The following ATP6V0D2 variants were observed in gnomAD, a reference collection of about 807,000 sequenced individuals.
ATP6V0D2 encodes the protein V-type proton ATPase subunit d 2.
ATP6V0D2 carries 40 observed loss-of-function variants against 40.0 expected under a neutral mutation model. That is an observed-to-expected ratio of 1.00 (90% CI 0.78 to 1.30). The LOEUF (loss-of-function observed/expected upper bound fraction) is 1.30, where lower values mean the gene tolerates loss of function less well. Among genes scored for constraint, ATP6V0D2 ranks in the 50% most tolerant of loss-of-function variants. The pLI is 0.00. For synonymous variants in ATP6V0D2, 179 were observed against 156.3 expected, an observed-to-expected ratio of 1.15 and a Z score of -1.08; for missense variants, 470 against 423.1, an observed-to-expected ratio of 1.11 and a Z score of -0.97.
chr8:86,130,768 A>G (rs539697460), intron 2 of ATP6V0D2, among the ~76,000 whole-genome samples: 102 of 152,186 alleles, frequency 6.7e-4, no homozygotes, highest in African/African-American at 2.3e-3. Flanking sequence ...TGAAAGGAAG[A>G]ATAATATGCC....
intron 1 of ATP6V0D2, among the ~76,000 whole-genome samples, chr8:86,105,383 A>G (rs967537475): frequency 6.6e-6 from 1 of 151,542 alleles, no homozygotes; most frequent in African/African-American, 2.4e-5. Context: ...TGCAACCTCT[A>G]CCTCTCCCGG....
intron 3 of ATP6V0D2, 54 bp from the exon 4 acceptor site, chr8:86,141,395 CA>C: frequency 7.3e-7 from 1 of 1,375,230 alleles, no homozygotes; most frequent in Non-Finnish European, 1.0e-6. Context: ...ACGTTTTCTA[CA>C]GCTTATAATC....
intron 2 of ATP6V0D2, among the ~76,000 whole-genome samples, chr8:86,132,764 C>T (rs1243223916): frequency 6.6e-6 from 1 of 152,084 alleles, no homozygotes; most frequent in East Asian, 1.9e-4. Context: ...TCTTTGTTAT[C>T]GTGAATAGTG....
chr8:86,118,677 A>C (rs1160964121), intron 2 of ATP6V0D2, among the ~76,000 whole-genome samples: 2 of 152,200 alleles, frequency 1.3e-5, no homozygotes, highest in East Asian at 3.9e-4. Context: ...TTATGGAAAC[A>C]GTAAAGATTC....
intron 2 of ATP6V0D2, among the ~76,000 whole-genome samples, chr8:86,120,121 G>A (rs1440315086): frequency 6.6e-6 from 1 of 152,194 alleles, no homozygotes; most frequent in Non-Finnish European, 1.5e-5. Context: ...CTTTGAGCCA[G>A]GCACAGTAGC....
At chr8:86,140,221 A>C (rs1818954745) in intron 3 of ATP6V0D2, among the ~76,000 whole-genome samples, 1 of 152,220 alleles carries the variant, frequency 6.6e-6, no homozygotes, top group Admixed American at 6.5e-5. Context: ...CTAAAGAGAT[A>C]ATTGTATAAG....
At chr8:86,139,892 G>A (rs979033693) in intron 3 of ATP6V0D2, among the ~76,000 whole-genome samples, 1 of 152,174 alleles carries the variant, frequency 6.6e-6, no homozygotes, top group African/African-American at 2.4e-5. Context: ...ACCATTTGTA[G>A]TAGAGAAGGA....
intron 1 of ATP6V0D2, among the ~76,000 whole-genome samples, chr8:86,110,886 G>A (rs1303807169): frequency 1.3e-5 from 2 of 152,042 alleles, no homozygotes; most frequent in South Asian, 2.1e-4. Context: ...TAAGACCTCC[G>A]CCAGGCAGGT....
At chr8:86,113,581 T>C (rs1243131473) in intron 1 of ATP6V0D2, 128 bp from the exon 2 acceptor site, 1 of 758,704 alleles carries the variant, frequency 1.3e-6, no homozygotes, top group African/African-American at 1.8e-5. Context: ...ATTTAGACCT[T>C]ATATTAAAAT....
chr8:86,123,582 T>TGA (rs1428067566), intron 2 of ATP6V0D2, among the ~76,000 whole-genome samples: 1 of 152,148 alleles, frequency 6.6e-6, no homozygotes, highest in African/African-American at 2.4e-5. Context: ...TAGATTCATT[T>TGA]GAGAGAGAGA....
intron 2 of ATP6V0D2, among the ~76,000 whole-genome samples, chr8:86,136,886 C>T (rs573260443): frequency 1.3e-5 from 2 of 152,154 alleles, no homozygotes; most frequent in Non-Finnish European, 2.9e-5. Flanking sequence ...CACTGTGAAA[C>T]CTCGAGGACT....
intron 5 of ATP6V0D2, among the ~76,000 whole-genome samples, chr8:86,148,708 G>A (rs918423655): frequency 2.0e-5 from 3 of 152,146 alleles, no homozygotes; most frequent in Middle Eastern, 3.4e-3. Context: ...AAAGTAGTAG[G>A]ATCACACATC....
intron 1 of ATP6V0D2, among the ~76,000 whole-genome samples, chr8:86,105,616 C>CTTTTTTTTTTTTTTTT (rs1401385712): frequency 7.6e-6 from 1 of 131,168 alleles, no homozygotes. Context: ...CTTCTTTTTT[C>CTTTTTTTTTTTTTTTT]TTTTCTTTTT....
intron 2 of ATP6V0D2, among the ~76,000 whole-genome samples, chr8:86,117,476 C>CCATA (rs1818604830): frequency 6.6e-6 from 1 of 152,112 alleles, no homozygotes; most frequent in Admixed American, 6.6e-5. Context: ...GAAGAAAAGA[C>CCATA]CATAGGTCAA....
At chr8:86,113,597 A>G (rs976030829) in intron 1 of ATP6V0D2, 112 bp from the exon 2 acceptor site, 43 of 883,250 alleles carry the variant, frequency 4.9e-5, no homozygotes, top group Non-Finnish European at 6.9e-5. Context: ...AAAATCTAAT[A>G]AGATAATACA....
chr8:86,150,897 C>T (rs1415234795), intron 6 of ATP6V0D2, among the ~76,000 whole-genome samples: 2 of 152,158 alleles, frequency 1.3e-5, no homozygotes, highest in Non-Finnish European at 2.9e-5. Flanking sequence ...TTTACATAAC[C>T]TCCAGGTAAC....
intron 1 of ATP6V0D2, among the ~76,000 whole-genome samples, chr8:86,106,998 C>A (rs1037129239): frequency 6.7e-6 from 1 of 149,060 alleles, no homozygotes; most frequent in African/African-American, 2.5e-5. Flanking sequence ...ATTATGCCAC[C>A]GTACTTTAGC....
chr8:86,125,131 A>C (rs547703451), intron 2 of ATP6V0D2, among the ~76,000 whole-genome samples: 129 of 152,260 alleles, frequency 8.5e-4, no homozygotes, highest in African/African-American at 3.0e-3. Flanking sequence ...ACATGTCAGC[A>C]AAATCAGCGT....
intron 2 of ATP6V0D2, among the ~76,000 whole-genome samples, chr8:86,120,542 A>C (rs544173936): frequency 2.0e-4 from 31 of 152,234 alleles, no homozygotes; most frequent in Admixed American, 1.3e-3. Flanking sequence ...GCAACACAGC[A>C]AGACCCTGTC....
Sources: gnomAD v4.1 joint callset for allele counts (sites outside exome capture counted in the v4.1 genomes callset) on GRCh38, gnomAD v4.1.1 for gene constraint, MANE v1.5 for transcripts, NCBI Gene and HGNC (gene_info 2026-07-23, HGNC 2026-07-21) for gene names.